Variants in DNM3 observed in about 807,000 individuals in gnomAD.
DNM3 encodes dynamin 3, also known as dynamin-3.
In DNM3, 47 loss-of-function variants were observed where a neutral mutation model predicts 101.6. That is an observed-to-expected ratio of 0.46 (90% CI 0.37 to 0.59). The LOEUF (loss-of-function observed/expected upper bound fraction) is 0.59. Among genes scored for constraint, DNM3 ranks in the 20% least tolerant of loss-of-function variants. DNM3 has a pLI of 0.00. For synonymous variants in DNM3, 385 were observed against 387.9 expected, an observed-to-expected ratio of 0.99 and a Z score of 0.09; for missense variants, 849 against 1,085.7, an observed-to-expected ratio of 0.78 and a Z score of 3.06.
rs2068758935 is a variant in DNM3 at position 172,379,126 on chromosome 1, A to T, written c.2002A>T (p.Asn668Tyr). Residue 668 changes from asparagine (N) to tyrosine (Y), a missense_variant, in exon 18 of 21, where the codon AAC becomes TAC. Physicochemically the swap from Asn to Tyr is moderately radical, Grantham distance 143. Transcript: ENST00000627582. ...NLVDSYMSIINKCIRDLIPKT... is the reference protein window; with the variant it reads ...NLVDSYMSIIYKCIRDLIPKT... ...CGTAGACTCCTACATGTCCATTATC[A>T]ACAAATGTATCCGAGATCTAATTCC... is the stretch of plus-strand genomic sequence containing the variant. 6.2e-7 allele frequency: 1 copy of T among 1,611,882 alleles called. No individual in the cohort carries two copies. The highest frequency in any genetic ancestry group is 8.5e-7 in the Non-Finnish European group (1 of 1,178,758).
intron 14 of DNM3, among the ~76,000 whole-genome samples, chr1:172,164,707 C>G (rs1011925691): frequency 6.6e-6 from 1 of 152,028 alleles, no homozygotes; most frequent in Non-Finnish European, 1.5e-5. Context: ...ACAGCTATGC[C>G]TGTGTGTGCT....
At chr1:172,049,186 A>G (rs547504983) in intron 10 of DNM3, among the ~76,000 whole-genome samples, 1 of 152,272 alleles carries the variant, frequency 6.6e-6, no homozygotes, top group Admixed American at 6.5e-5. Flanking sequence ...GGGGCAGTGT[A>G]GTGTAGTGGA....
intron 14 of DNM3, among the ~76,000 whole-genome samples, chr1:172,225,322 A>G: frequency 6.6e-6 from 1 of 151,274 alleles, no homozygotes; most frequent in East Asian, 1.9e-4. Context: ...TTTTTAGTAG[A>G]GACGGGGTTT....
chr1:171,894,240 G>A (rs552362922), intron 1 of DNM3, among the ~76,000 whole-genome samples: 1 of 152,088 alleles, frequency 6.6e-6, no homozygotes, highest in Admixed American at 6.5e-5. Flanking sequence ...TTACAGGCAC[G>A]AGCCACCACA....
intron 14 of DNM3, among the ~76,000 whole-genome samples, chr1:172,237,000 C>A (rs1353343706): frequency 6.6e-6 from 1 of 152,140 alleles, no homozygotes; most frequent in African/African-American, 2.4e-5. Flanking sequence ...ATCGTTTCGC[C>A]AATATTTCTA....
intron 2 of DNM3, among the ~76,000 whole-genome samples, chr1:171,978,000 T>G (rs190489193): frequency 6.6e-6 from 1 of 152,268 alleles, no homozygotes; most frequent in Non-Finnish European, 1.5e-5. Flanking sequence ...TTATAATCAT[T>G]TTTTTTCCCT....
At chr1:171,893,999 T>C (rs2125189305) in intron 1 of DNM3, among the ~76,000 whole-genome samples, 1 of 152,230 alleles carries the variant, frequency 6.6e-6, no homozygotes. Context: ...AATTTTTGTA[T>C]TTTTAGTAGA....
At chr1:172,037,500 A>C (rs1161640880) in intron 6 of DNM3, among the ~76,000 whole-genome samples, 1 of 152,208 alleles carries the variant, frequency 6.6e-6, no homozygotes, top group East Asian at 1.9e-4. Flanking sequence ...TTTCAAGTTC[A>C]TCACTTAGGA....
intron 1 of DNM3, among the ~76,000 whole-genome samples, chr1:171,920,547 A>G (rs1204889264): frequency 6.6e-6 from 1 of 152,198 alleles, no homozygotes; most frequent in Non-Finnish European, 1.5e-5. Flanking sequence ...GCCTGGAACC[A>G]CATTTTGAGA....
intron 1 of DNM3, among the ~76,000 whole-genome samples, chr1:171,872,612 C>T (rs565478491): frequency 4.6e-5 from 7 of 152,114 alleles, no homozygotes; most frequent in African/African-American, 1.4e-4. Flanking sequence ...AGGATGTCCC[C>T]GCTAGTCTCT....
intron 3 of DNM3, among the ~76,000 whole-genome samples, chr1:171,988,055 A>G (rs145975925): frequency 6.2e-4 from 95 of 152,222 alleles, no homozygotes; most frequent in Non-Finnish European, 2.4e-4. Flanking sequence ...AAGCTTTTAG[A>G]ATTTGAGAAG....
At chr1:172,160,660 C>A (rs1157426804) in intron 14 of DNM3, among the ~76,000 whole-genome samples, 1 of 151,878 alleles carries the variant, frequency 6.6e-6, no homozygotes, top group South Asian at 2.1e-4. Context: ...GACTGTTTTA[C>A]AGTTAACTTT....
chr1:172,368,132 G>C (rs2068124253), intron 17 of DNM3, among the ~76,000 whole-genome samples: 1 of 151,758 alleles, frequency 6.6e-6, no homozygotes, highest in Non-Finnish European at 1.5e-5. Flanking sequence ...GACCCTAACA[G>C]ACATTTACAG....
intron 13 of DNM3, among the ~76,000 whole-genome samples, chr1:172,096,545 G>A (rs1386558966): frequency 6.6e-6 from 1 of 152,196 alleles, no homozygotes; most frequent in African/African-American, 2.4e-5. Flanking sequence ...GAGAGGGCTG[G>A]AGGTTGTCTT....
At chr1:171,972,211 G>A (rs551210552) in intron 2 of DNM3, among the ~76,000 whole-genome samples, 42 of 152,314 alleles carry the variant, frequency 2.8e-4, no homozygotes, top group African/African-American at 9.1e-4. Context: ...TAGTTACTAC[G>A]CTGTGGAAGG....
intron 14 of DNM3, among the ~76,000 whole-genome samples, chr1:172,220,923 T>C (rs2148563116): frequency 6.6e-6 from 1 of 152,310 alleles, no homozygotes; most frequent in East Asian, 1.9e-4. Flanking sequence ...CATTTCAGAA[T>C]TGTTAAGAAG....
In DNM3 at chr1:171,841,546, C is replaced by T; in HGVS notation, c.-111C>T. 7.0e-7 allele frequency: 1 copy of T among 1,434,844 alleles called. No individual in the cohort carries two copies. Among genetic ancestry groups the T allele is most frequent in the Non-Finnish European group, 9.2e-7 (1 of 1,086,500 alleles). 88.9% of individuals were successfully genotyped at this position (1,434,844 alleles called of 1,614,324 possible). On this transcript the variant is annotated 5_prime_UTR_variant, in exon 1 of 21. Transcript: ENST00000627582. ...CGGGCTCCGACGTCTGCGCCAGGAC[C>T]TGGCTGGCTGAGCCCGGCGCAGCAG...
chr1:172,167,582 T>C (rs1423934902), intron 14 of DNM3, among the ~76,000 whole-genome samples: 2 of 152,082 alleles, frequency 1.3e-5, no homozygotes, highest in African/African-American at 4.8e-5. Flanking sequence ...CCAGCACCTG[T>C]TGTTTCCTGA....
chr1:171,996,566 A>C (rs754953913), intron 4 of DNM3, among the ~76,000 whole-genome samples: 1 of 152,106 alleles, frequency 6.6e-6, no homozygotes, highest in Non-Finnish European at 1.5e-5. Context: ...AATGATGTAG[A>C]TAAAAATAAA....
Sources: gnomAD v4.1 joint callset for allele counts (sites outside exome capture counted in the v4.1 genomes callset) on GRCh38, gnomAD v4.1.1 for gene constraint, MANE v1.5 for transcripts, NCBI Gene and HGNC (gene_info 2026-07-23, HGNC 2026-07-21) for gene names.